The following CCDC7 variants were observed in gnomAD, a reference collection of about 807,000 sequenced individuals.
CCDC7 encodes coiled-coil domain-containing protein 7.
A neutral mutation model predicts 196.9 loss-of-function variants in CCDC7; 183 were observed. The observed-to-expected ratio is 0.93, with a 90% CI of 0.82 to 1.05. The LOEUF (loss-of-function observed/expected upper bound fraction) is 1.05. Ranked by LOEUF, CCDC7 falls within the 50% of genes least tolerant of loss-of-function variation. CCDC7 has a pLI of 0.00. For synonymous variants in CCDC7, 525 were observed against 484.6 expected (o/e 1.08, Z -1.10); for missense variants, 1,540 against 1,482.2 (o/e 1.04, Z -0.64).
chr10:32,649,228 G>T (rs2068298238), intron 20 of CCDC7, among the ~76,000 whole-genome samples: 1 of 152,134 alleles, frequency 6.6e-6, no homozygotes, highest in Admixed American at 6.5e-5. Flanking sequence ...TGGGTGATGG[G>T]ATGATCTGTG....
In CCDC7 at chr10:32,860,563, G is replaced by C. The variant is rs139116031; in HGVS notation, c.4111+6074G>C. On this transcript the variant is annotated intron_variant, in intron 41 of 41. Transcript: ENST00000639629. ...AACATAGTGTTGGAAGTTCTGGCCA[G>C]GGCAATCAGGCAAGAGAAAGAAATA... Among the ~76,000 whole-genome samples the C allele has an allele frequency of 4.7e-3, 719 of 152,264 alleles. 9 individuals carry two copies. Among genetic ancestry groups the C allele is most frequent in the African/African-American group, 0.017 (687 of 41,536 alleles).
At chr10:32,521,578 A>T (rs1191910422) in intron 11 of CCDC7, among the ~76,000 whole-genome samples, 8 of 149,874 alleles carry the variant, frequency 5.3e-5, no homozygotes, top group African/African-American at 2.0e-4. Flanking sequence ...CAGTTCTAAG[A>T]GTTTTTTTTT....
intron 29 of CCDC7, 127 bp downstream of exon 30, chr10:32,779,211 C>A: frequency 1.5e-6 from 1 of 653,332 alleles, no homozygotes; most frequent in South Asian, 2.4e-5. Context: ...TAAGTTCATT[C>A]TACTCAATCA....
At chr10:32,666,902 G>T (rs1239846066) in intron 21 of CCDC7, among the ~76,000 whole-genome samples, 19 of 152,070 alleles carry the variant, frequency 1.2e-4, no homozygotes, top group South Asian at 6.2e-4. Flanking sequence ...GTAATGGGAT[G>T]GCTGGGTCAA....
At chr10:32,800,338 A>T (rs2084519944) in intron 29 of CCDC7, among the ~76,000 whole-genome samples, 1 of 152,084 alleles carries the variant, frequency 6.6e-6, no homozygotes, top group South Asian at 2.1e-4. Context: ...CCCTCACTTT[A>T]CCAGTCAGGG....
chr10:32,664,776 G>A (rs1481471420), intron 21 of CCDC7, among the ~76,000 whole-genome samples: 1 of 151,996 alleles, frequency 6.6e-6, no homozygotes. Flanking sequence ...CAGTGAACAT[G>A]GGAGTACAAA....
At chr10:32,813,198 C>A (rs1187586252) in intron 30 of CCDC7, among the ~76,000 whole-genome samples, 1 of 152,128 alleles carries the variant, frequency 6.6e-6, no homozygotes, top group Non-Finnish European at 1.5e-5. Context: ...CCAATTCTAC[C>A]CACAGAATCT....
At chr10:32,652,110 A>G (rs537126378) in intron 20 of CCDC7, among the ~76,000 whole-genome samples, 8 of 152,152 alleles carry the variant, frequency 5.3e-5, no homozygotes, top group Non-Finnish European at 1.2e-4. Flanking sequence ...GTGTGTACAT[A>G]TATTTATAAT....
intron 31 of CCDC7, among the ~76,000 whole-genome samples, chr10:32,822,200 A>G (rs1337178449): frequency 6.6e-6 from 1 of 152,224 alleles, no homozygotes; most frequent in Non-Finnish European, 1.5e-5. Flanking sequence ...GGTATGAGTT[A>G]AATGTTATAA....
intron 13 of CCDC7, among the ~76,000 whole-genome samples, chr10:32,555,671 A>G (rs936264899): frequency 4.6e-5 from 7 of 152,192 alleles, no homozygotes; most frequent in Non-Finnish European, 1.0e-4. Flanking sequence ...TATGGAAATA[A>G]TCCAGTACAA....
At chr10:32,650,316 A>G (rs1002521391) in intron 20 of CCDC7, among the ~76,000 whole-genome samples, 18 of 152,198 alleles carry the variant, frequency 1.2e-4, no homozygotes, top group African/African-American at 4.1e-4. Context: ...CATACGGTAG[A>G]TGGTGCTTGA....
intron 28 of CCDC7, among the ~76,000 whole-genome samples, chr10:32,769,964 A>G (rs1403628936): frequency 6.6e-6 from 1 of 152,228 alleles, no homozygotes; most frequent in Non-Finnish European, 1.5e-5. Flanking sequence ...TCTTTATAGT[A>G]GAATGATTTA....
intron 22 of CCDC7, among the ~76,000 whole-genome samples, chr10:32,687,675 C>G (rs2076613521): frequency 6.6e-6 from 1 of 152,204 alleles, no homozygotes; most frequent in Admixed American, 6.5e-5. Flanking sequence ...CCTCTTTGAA[C>G]TCTGACTTGG....
intron 28 of CCDC7, among the ~76,000 whole-genome samples, chr10:32,730,577 A>T (rs903698425): frequency 2.0e-5 from 3 of 151,994 alleles, no homozygotes; most frequent in Non-Finnish European, 4.4e-5. Flanking sequence ...AATAAAATAT[A>T]TTTAATACCC....
chr10:32,757,892 G>A (rs986942653), intron 28 of CCDC7, among the ~76,000 whole-genome samples: 17 of 152,010 alleles, frequency 1.1e-4, no homozygotes, highest in Non-Finnish European at 2.2e-4. Context: ...AATCAAATAG[G>A]TGCAATGAAA....
At chr10:32,658,051 A>ATAT (rs1157330473) in intron 20 of CCDC7, among the ~76,000 whole-genome samples, 2 of 152,212 alleles carry the variant, frequency 1.3e-5, no homozygotes, top group Non-Finnish European at 2.9e-5. Flanking sequence ...TTCATTGTCC[A>ATAT]TATCACTATC....
chr10:32,641,013 G>A (rs564331469), intron 20 of CCDC7, among the ~76,000 whole-genome samples: 30 of 151,958 alleles, frequency 2.0e-4, no homozygotes, highest in African/African-American at 6.5e-4. Flanking sequence ...ATTTTCTGCC[G>A]AGAGATCCGC....
intron 21 of CCDC7, among the ~76,000 whole-genome samples, chr10:32,664,686 A>G (rs1371676432): frequency 6.6e-6 from 1 of 151,942 alleles, no homozygotes; most frequent in Non-Finnish European, 1.5e-5. Context: ...TCCTTTTTTT[A>G]AGGGTGATTT....
At chr10:32,823,286 C>G (rs1026831169) in intron 31 of CCDC7, among the ~76,000 whole-genome samples, 1 of 151,898 alleles carries the variant, frequency 6.6e-6, no homozygotes, top group Non-Finnish European at 1.5e-5. Flanking sequence ...GGGACTAAGG[C>G]GCACGCCACC....
Sources: allele counts gnomAD v4.1 joint callset (sites outside exome capture counted in the v4.1 genomes callset), GRCh38; gene constraint gnomAD v4.1.1; transcripts MANE v1.5; gene names NCBI Gene and HGNC (gene_info 2026-07-23, HGNC 2026-07-21).